AFG2A: variants seen among roughly 807,000 people sequenced by gnomAD.
AFG2A encodes the protein AAA ATPase AFG2A.
chr4:122,994,301 A>G, the AFG2A span, among the ~76,000 whole-genome samples: 2 of 152,122 alleles, frequency 1.3e-5, no homozygotes, highest in Admixed American at 6.5e-5. Context: ...TTTTCTGCAG[A>G]AACATTTTGC....
chr4:122,954,050 G>A, the AFG2A span, among the ~76,000 whole-genome samples: 1 of 152,170 alleles, frequency 6.6e-6, no homozygotes, highest in Non-Finnish European at 1.5e-5. Context: ...ATGATGTCCT[G>A]CAATTCCTCC....
the AFG2A span, among the ~76,000 whole-genome samples, chr4:123,078,899 C>A: frequency 3.9e-5 from 6 of 152,200 alleles, no homozygotes; most frequent in East Asian, 1.2e-3. Context: ...CTACCTCCGA[C>A]CAGTTCTTTG....
chr4:123,310,239 A>G, the AFG2A span, among the ~76,000 whole-genome samples: 1 of 152,224 alleles, frequency 6.6e-6, no homozygotes, highest in Non-Finnish European at 1.5e-5. Context: ...GATTTGGTTT[A>G]GAGCTTTAGA....
the AFG2A span, among the ~76,000 whole-genome samples, chr4:123,058,664 C>T: frequency 3.9e-5 from 6 of 152,132 alleles, no homozygotes; most frequent in Non-Finnish European, 8.8e-5. Context: ...TCTCGTGAGA[C>T]TGATTCACTA....
the AFG2A span, among the ~76,000 whole-genome samples, chr4:123,022,249 C>G: frequency 1.2e-4 from 18 of 151,800 alleles, 1 homozygote; most frequent in Non-Finnish European, 2.5e-4. Context: ...AGTGAACAGG[C>G]AACCTACAGA....
the AFG2A span, among the ~76,000 whole-genome samples, chr4:122,990,182 T>C: frequency 1.3e-5 from 2 of 152,212 alleles, no homozygotes; most frequent in African/African-American, 4.8e-5. Flanking sequence ...CTTATTTTTG[T>C]TCTCCACCCA....
the AFG2A span, among the ~76,000 whole-genome samples, chr4:123,124,240 A>C: frequency 3.3e-5 from 5 of 152,168 alleles, no homozygotes; most frequent in African/African-American, 9.7e-5. Context: ...AACCAACCCA[A>C]ATGTCCATCA....
the AFG2A span, among the ~76,000 whole-genome samples, chr4:122,970,938 A>G: frequency 6.6e-6 from 1 of 152,226 alleles, no homozygotes; most frequent in African/African-American, 2.4e-5. Flanking sequence ...GGTTCAAGCA[A>G]TTCTTGTGCC....
the AFG2A span, chr4:122,979,308 T>C: frequency 1.9e-6 from 3 of 1,614,120 alleles, no homozygotes; most frequent in Non-Finnish European, 2.5e-6. Context: ...TGGTGAAGAT[T>C]ACTCTGAAGG....
At chr4:123,018,720 G>A in the AFG2A span, among the ~76,000 whole-genome samples, 18 of 151,490 alleles carry the variant, frequency 1.2e-4, no homozygotes, top group Admixed American at 1.2e-3. Context: ...TGCAACCTCC[G>A]CCTCCCAGGT....
At chr4:123,290,571 G>A in the AFG2A span, among the ~76,000 whole-genome samples, 645 of 152,294 alleles carry the variant, frequency 4.2e-3, 9 homozygotes, top group Admixed American at 0.04. Context: ...AAAAGAAAGA[G>A]GTTTAATTGG....
chr4:123,098,455 G>A, the AFG2A span, among the ~76,000 whole-genome samples: 3 of 151,852 alleles, frequency 2.0e-5, no homozygotes, highest in Non-Finnish European at 2.9e-5. Flanking sequence ...CAGTACAATA[G>A]ACCTCTTGAA....
the AFG2A span, among the ~76,000 whole-genome samples, chr4:123,193,741 A>G: frequency 6.6e-6 from 1 of 152,234 alleles, no homozygotes; most frequent in Non-Finnish European, 1.5e-5. Context: ...CATAAAATAC[A>G]GAATTTTATT....
At chr4:123,177,192 A>AT in the AFG2A span, among the ~76,000 whole-genome samples, 13,133 of 130,192 alleles carry the variant, frequency 0.1, 917 homozygotes, top group African/African-American at 0.17. Flanking sequence ...GCTTGATTTG[A>AT]TTTTTTTTTT....
the AFG2A span, among the ~76,000 whole-genome samples, chr4:123,084,193 C>T: frequency 2.3e-4 from 35 of 151,936 alleles, no homozygotes; most frequent in Middle Eastern, 3.4e-3. Flanking sequence ...TGTCTTTTCT[C>T]TTTTTTTCGT....
chr4:123,000,373 G>T, the AFG2A span, among the ~76,000 whole-genome samples: 1 of 151,504 alleles, frequency 6.6e-6, no homozygotes, highest in Non-Finnish European at 1.5e-5. Flanking sequence ...GGGCATCCCT[G>T]TCTTGTGCCA....
the AFG2A span, among the ~76,000 whole-genome samples, chr4:123,035,927 C>T: frequency 6.6e-6 from 1 of 151,858 alleles, no homozygotes; most frequent in Non-Finnish European, 1.5e-5. Context: ...AAAATAAGCA[C>T]ATTTTATTGT....
chr4:123,016,825 G>A, the AFG2A span, among the ~76,000 whole-genome samples: 1 of 152,166 alleles, frequency 6.6e-6, no homozygotes, highest in Admixed American at 6.5e-5. Context: ...ACTCCAGCCT[G>A]GGCACCATTG....
At chr4:123,035,349 A>T in the AFG2A span, among the ~76,000 whole-genome samples, 2 of 151,902 alleles carry the variant, frequency 1.3e-5, no homozygotes, top group African/African-American at 4.8e-5. Flanking sequence ...GTTTCTATTT[A>T]ATTTCCTTTA....
Sources: gnomAD v4.1 joint callset for allele counts (sites outside exome capture counted in the v4.1 genomes callset) on GRCh38, gnomAD v4.1.1 for gene constraint, MANE v1.5 for transcripts, NCBI Gene and HGNC (gene_info 2026-07-23, HGNC 2026-07-21) for gene names.